The following KLHL3 variants were observed in gnomAD, a reference collection of about 807,000 sequenced individuals.
KLHL3 encodes the protein kelch like family member 3, also known as kelch-like protein 3.
A neutral mutation model predicts 70.5 loss-of-function variants in KLHL3; 19 were observed. That is an observed-to-expected ratio of 0.27 (90% CI 0.19 to 0.40). The LOEUF (loss-of-function observed/expected upper bound fraction) is 0.40. Ranked by LOEUF, KLHL3 falls within the 10% of genes least tolerant of loss-of-function variation. The pLI, the probability that KLHL3 is intolerant of heterozygous loss-of-function variation, is 1.00. For synonymous variants in KLHL3, 258 were observed against 290.3 expected (o/e 0.89, Z 1.13); for missense variants, 512 against 771.1 (o/e 0.66, Z 3.98).
rs1350530132 is a variant in KLHL3, at chr5:137,617,692, G to A, written c.*4406C>T. The A allele has an allele frequency of 1.3e-5, 2 of 152,184 alleles. No individual in the cohort carries two copies. Among genetic ancestry groups the A allele is most frequent in the African/African-American group, 4.8e-5 (2 of 41,428 alleles). The allele number at this position is 152,184 out of a possible 1,614,324, so 9.4% of individuals were successfully genotyped here. On this transcript the variant is annotated 3_prime_UTR_variant, in exon 15 of 15. Transcript: ENST00000309755. ...ACACCAGATCGAGGATCTTACCTAT[G>A]CAATATGTTGTACGGGGTGTCAGTG... is the stretch of plus-strand genomic sequence containing the variant.
At chr5:137,725,669 T>A (rs1753074157) in intron 1 of KLHL3, among the ~76,000 whole-genome samples, 1 of 152,248 alleles carries the variant, frequency 6.6e-6, no homozygotes, top group South Asian at 2.1e-4. Flanking sequence ...ATTTTCTAAA[T>A]AAACTCTAGC....
At chr5:137,688,184 A>T (rs1580762891) in intron 5 of KLHL3, among the ~76,000 whole-genome samples, 1 of 148,318 alleles carries the variant, frequency 6.7e-6, no homozygotes, top group South Asian at 2.1e-4. Context: ...AAATAAAATA[A>T]AATAAAATAA....
intron 2 of KLHL3, among the ~76,000 whole-genome samples, chr5:137,718,125 T>C (rs1026149647): frequency 2.0e-4 from 31 of 152,186 alleles, no homozygotes; most frequent in African/African-American, 7.5e-4. Context: ...TCAAACTCAT[T>C]GGGGCACAGA....
At chr5:137,641,417 GTGC>G (rs1034489383) in intron 8 of KLHL3, among the ~76,000 whole-genome samples, 1 of 152,112 alleles carries the variant, frequency 6.6e-6, no homozygotes, top group Non-Finnish European at 1.5e-5. Flanking sequence ...AAGTTCCCAG[GTGC>G]TGCTGCTGCT....
rs150482192 is a variant in KLHL3, at chr5:137,632,332, T to C, written c.1450+1705A>G. ...AGACACAGAGAACAATGGAACAGAATAGAGAACCCAGAAACAAAGCCACAT... is the reference window on the plus strand; with the variant it reads ...AGACACAGAGAACAATGGAACAGAACAGAGAACCCAGAAACAAAGCCACAT... On this transcript the variant is annotated intron_variant, in intron 12 of 14. Coordinates refer to ENST00000309755, the MANE Select transcript of KLHL3 (RefSeq NM_017415.3). 4.0e-3 allele frequency among the ~76,000 whole-genome samples: 607 copies of C among 152,126 alleles called. 5 individuals are homozygous for C. Among genetic ancestry groups the C allele is most frequent in the African/African-American group, 0.014 (578 of 41,528 alleles).
At chr5:137,710,611 T>C (rs1036594940) in intron 2 of KLHL3, among the ~76,000 whole-genome samples, 9 of 152,160 alleles carry the variant, frequency 5.9e-5, no homozygotes, top group African/African-American at 2.2e-4. Context: ...TCAATCCACA[T>C]TCATAGACAG....
At chr5:137,624,993 T>C (rs1750423003) in intron 14 of KLHL3, among the ~76,000 whole-genome samples, 1 of 152,226 alleles carries the variant, frequency 6.6e-6, no homozygotes, top group African/African-American at 2.4e-5. Context: ...AACTCTGGGT[T>C]TGAACTCTGA....
chr5:137,666,687 G>A (rs1400120360), intron 6 of KLHL3, among the ~76,000 whole-genome samples: 1 of 152,166 alleles, frequency 6.6e-6, no homozygotes, highest in Non-Finnish European at 1.5e-5. Context: ...AGCTATGAAA[G>A]CCACAGCATT....
At chr5:137,698,507 C>T in intron 3 of KLHL3, 99 bp from the exon 4 acceptor site, 1 of 1,400,828 alleles carries the variant, frequency 7.1e-7, no homozygotes, top group Non-Finnish European at 9.9e-7. Flanking sequence ...CATAAAAGCA[C>T]TTCCTGGGCT....
chr5:137,631,877 T>C (rs1163624090), intron 12 of KLHL3, among the ~76,000 whole-genome samples: 1 of 152,152 alleles, frequency 6.6e-6, no homozygotes, highest in Non-Finnish European at 1.5e-5. Flanking sequence ...GGTTAACTTA[T>C]AAAGTACTGT....
At chr5:137,699,637 CTA>C (rs958855261) in intron 3 of KLHL3, among the ~76,000 whole-genome samples, 6 of 152,160 alleles carry the variant, frequency 3.9e-5, no homozygotes, top group African/African-American at 1.4e-4. Flanking sequence ...AGCCTGCACT[CTA>C]TATACAACAC....
intron 8 of KLHL3, among the ~76,000 whole-genome samples, chr5:137,650,577 T>C (rs1004326732): frequency 2.0e-5 from 3 of 152,134 alleles, no homozygotes; most frequent in Non-Finnish European, 4.4e-5. Context: ...CCCAGCACTT[T>C]GGGAGGCTGA....
At chr5:137,643,346 C>T (rs1207376065) in intron 8 of KLHL3, among the ~76,000 whole-genome samples, 1 of 128,142 alleles carries the variant, frequency 7.8e-6, no homozygotes, top group African/African-American at 2.8e-5. Context: ...CAGAGTGAGA[C>T]CCTGTCTCAA....
intron 12 of KLHL3, chr5:137,630,059 G>A (rs1393787891): frequency 6.6e-6 from 1 of 152,146 alleles, no homozygotes; most frequent in Admixed American, 6.5e-5. Context: ...AAAGGCCAGG[G>A]CCTTTGGTCT....
chr5:137,660,899 T>C (rs904631493), intron 7 of KLHL3: 11 of 152,686 alleles, frequency 7.2e-5, no homozygotes, highest in African/African-American at 1.7e-4. Context: ...CCCAGTATTA[T>C]ATGGCTGGAA....
intron 3 of KLHL3, chr5:137,707,709 T>C (rs1301219245): frequency 1.3e-5 from 2 of 154,340 alleles, no homozygotes; most frequent in Non-Finnish European, 2.9e-5. Context: ...GGGCTGGGCA[T>C]TGCATTACAC....
chr5:137,645,544 A>C (rs1428548926), intron 8 of KLHL3, among the ~76,000 whole-genome samples: 1 of 152,080 alleles, frequency 6.6e-6, no homozygotes, highest in African/African-American at 2.4e-5. Flanking sequence ...AAAGAAAAAA[A>C]CTCATTAACA....
At chr5:137,722,260 C>T (rs928666394) in intron 1 of KLHL3, among the ~76,000 whole-genome samples, 4 of 152,192 alleles carry the variant, frequency 2.6e-5, no homozygotes, top group Admixed American at 6.5e-5. Flanking sequence ...ATACGACCAG[C>T]GTGGCAGACC....
intron 6 of KLHL3, among the ~76,000 whole-genome samples, chr5:137,676,277 C>A (rs896730702): frequency 1.3e-5 from 2 of 152,170 alleles, no homozygotes; most frequent in African/African-American, 4.8e-5. Flanking sequence ...ATTCTCTGGA[C>A]GTGTGAATAC....
Sources: gnomAD v4.1 joint callset for allele counts (sites outside exome capture counted in the v4.1 genomes callset) on GRCh38, gnomAD v4.1.1 for gene constraint, MANE v1.5 for transcripts, NCBI Gene and HGNC (gene_info 2026-07-23, HGNC 2026-07-21) for gene names.